KDM2B: variants seen among roughly 807,000 people sequenced by gnomAD.
KDM2B encodes lysine demethylase 2B.
In KDM2B, 26 loss-of-function variants were observed where a neutral mutation model predicts 150.0. The ratio of observed to expected loss-of-function variants is 0.17; its 90% CI spans 0.13 to 0.24. The LOEUF is 0.24. Among genes scored for constraint, KDM2B ranks in the 10% least tolerant of loss-of-function variants. The probability of loss-of-function intolerance (pLI) is 1.00; values close to 1 mark genes in which losing one functional copy is unlikely to be tolerated. For missense variants in KDM2B, 1,265 were observed against 1,816.9 expected (o/e 0.70, Z 5.52); for synonymous variants, 734 against 729.5 (o/e 1.01, Z -0.10).
At position 121,442,586 on chromosome 12, in the gene KDM2B, TTGCTCAGCTCCC is replaced by T. The variant is rs1566264119; in HGVS notation, c.2843_2854del (p.Arg948_Ser951del). On this transcript the variant is annotated inframe_deletion, in exon 19 of 23. Transcript: ENST00000377071. This position sits in a 1 kb window ranked among gnomAD's most constrained non-coding sequence, Gnocchi z 7.7. Reference sequence around the variant, plus strand: ...CCTCTGGATCTCGTGGTTGAGCTCCTTGCTCAGCTCCCTGCTCAGCTCCTTGTTGGGAAGCCG... The same window carrying T: ...CCTCTGGATCTCGTGGTTGAGCTCCTTGCTCAGCTCCTTGTTGGGAAGCCG... 4 of 1,601,484 alleles carry T rather than the reference TTGCTCAGCTCCC, an allele frequency of 2.5e-6. No individual in the cohort carries two copies. In the South Asian group the frequency reaches 4.4e-5, roughly 18 times the overall value.
chr12:121,481,406 T>C (rs1309256793), intron 12 of KDM2B, among the ~76,000 whole-genome samples: 1 of 152,124 alleles, frequency 6.6e-6, no homozygotes, highest in Non-Finnish European at 1.5e-5. Context: ...TGAAAATATT[T>C]CACCTGTCTA....
Position 121,574,603 on chromosome 12 carries a change from G to A in KDM2B, c.351-10C>T, listed in dbSNP as rs782805140. 1 of 1,613,894 alleles carries A rather than the reference G, an allele frequency of 6.2e-7. No homozygotes were observed. The highest frequency in any genetic ancestry group is 1.1e-5 in the South Asian group (1 of 91,076). ...ATCAGGGTCAGGCATCCTGGGGAAA[G>A]AGGAGCACAGACCTTTGGTGAGAGG... is the stretch of plus-strand genomic sequence containing the variant. On this transcript the variant is annotated splice_polypyrimidine_tract_variant and intron_variant, in intron 3 of 22. Transcript: ENST00000377071.
chr12:121,453,028 G>C lies in KDM2B; in HGVS notation c.1959+92C>G. On this transcript the variant is annotated intron_variant, in intron 13 of 22. Transcript: ENST00000377071. This position sits in a 1 kb window ranked among gnomAD's most constrained non-coding sequence, Gnocchi z 6.4. Reference sequence around the variant, plus strand: ...CCACAGCCCCGGCTTCTCTGTGTGCGGAGGGGCGGCCAGAGCGAGCAGCGG... The same window carrying C: ...CCACAGCCCCGGCTTCTCTGTGTGCCGAGGGGCGGCCAGAGCGAGCAGCGG... The C allele has an allele frequency of 8.6e-7, 1 of 1,164,350 alleles. No homozygotes were observed. Among genetic ancestry groups the C allele is most frequent in the Admixed American group, 2.5e-5 (1 of 39,576 alleles). The allele number at this position is 1,164,350 out of a possible 1,614,324, so 72.1% of individuals were successfully genotyped here. A position where few individuals can be genotyped will look rare whatever the true frequency, so the allele number is the denominator to read the frequency against.
At chr12:121,536,111 G>C in intron 6 of KDM2B, 2 of 985,668 alleles carry the variant, frequency 2.0e-6, no homozygotes, top group South Asian at 4.7e-5. Flanking sequence ...GCAGCGCGCC[G>C]GCACGAGTGG....
At chr12:121,551,211 C>T (rs1889461535) in intron 4 of KDM2B, among the ~76,000 whole-genome samples, 1 of 152,276 alleles carries the variant, frequency 6.6e-6, no homozygotes, top group South Asian at 2.1e-4. Context: ...ATAAACATAG[C>T]CTTTCATGTG....
chr12:121,500,866 C>T (rs1287357435), intron 11 of KDM2B, among the ~76,000 whole-genome samples: 1 of 152,100 alleles, frequency 6.6e-6, no homozygotes, highest in Admixed American at 6.5e-5. Flanking sequence ...TTTGGGAGGC[C>T]GAGGCGGGCG....
At chr12:121,456,114 T>G (rs1260811081) in intron 12 of KDM2B, among the ~76,000 whole-genome samples, 1 of 152,232 alleles carries the variant, frequency 6.6e-6, no homozygotes, top group Non-Finnish European at 1.5e-5. Context: ...CTGAAGCCAG[T>G]AATTTGCCTG....
intron 4 of KDM2B, among the ~76,000 whole-genome samples, chr12:121,561,579 T>C (rs1467279517): frequency 3.3e-5 from 5 of 152,160 alleles, no homozygotes; most frequent in African/African-American, 1.2e-4. Context: ...ATGCCTCCCC[T>C]ACCTGCCGCT....
intron 11 of KDM2B, among the ~76,000 whole-genome samples, chr12:121,497,491 A>G (rs1457238934): frequency 1.3e-5 from 2 of 151,900 alleles, no homozygotes; most frequent in Non-Finnish European, 2.9e-5. Flanking sequence ...TTTTTAGTAG[A>G]GACAGGGTTT....
rs114306829 is a variant in KDM2B at position 121,463,675 on chromosome 12, C to T, written c.1735-10331G>A. 8.8e-3 allele frequency among the ~76,000 whole-genome samples: 1,339 copies of T among 152,256 alleles called. 23 individuals carry two copies. Among genetic ancestry groups the T allele is most frequent in the African/African-American group, 0.03 (1,257 of 41,548 alleles). On this transcript the variant is annotated intron_variant, in intron 12 of 22. Coordinates refer to ENST00000377071, the MANE Select transcript of KDM2B (RefSeq NM_032590.5). ...TACTCACTGCAGCTTCGAACTCCTG[C>T]GCTCAAGCAATTCTCCCACCTCAGC...
chr12:121,529,055 T>C (rs1555307377), intron 8 of KDM2B, among the ~76,000 whole-genome samples: 1 of 152,148 alleles, frequency 6.6e-6, no homozygotes, highest in Non-Finnish European at 1.5e-5. Context: ...TAAAGACCAA[T>C]ATCCCTGATT....
intron 4 of KDM2B, among the ~76,000 whole-genome samples, chr12:121,564,127 C>G (rs1890532486): frequency 2.0e-5 from 3 of 151,876 alleles, no homozygotes; most frequent in Admixed American, 1.3e-4. Flanking sequence ...AAAGAGTATA[C>G]TGTCTAGGTC....
intron 12 of KDM2B, among the ~76,000 whole-genome samples, chr12:121,483,289 A>G (rs931473719): frequency 6.6e-6 from 1 of 151,966 alleles, no homozygotes; most frequent in Non-Finnish European, 1.5e-5. Flanking sequence ...TATAAAAAAA[A>G]CACACACCAA....
chr12:121,453,103 G>A lies in KDM2B; in HGVS notation c.1959+17C>T, dbSNP rs781971445. ...GGGCCTGAATCGAGCGCAGGGCTGG[G>A]CGGGGGCCGCACTCACCGCGATGCA... On this transcript the variant is annotated intron_variant, in intron 13 of 22. Transcript: ENST00000377071. This position sits in a 1 kb window ranked among gnomAD's most constrained non-coding sequence, Gnocchi z 6.4. The A allele has an allele frequency of 1.3e-6, 2 of 1,590,162 alleles. No individual in the cohort carries two copies. The highest frequency in any genetic ancestry group is 2.3e-5 in the South Asian group (2 of 88,754).
chr12:121,551,077 A>C (rs1555311724), intron 4 of KDM2B, among the ~76,000 whole-genome samples: 1 of 152,106 alleles, frequency 6.6e-6, no homozygotes, highest in East Asian at 1.9e-4. Flanking sequence ...TTAACAGAGA[A>C]AGTTTGCTGG....
At chr12:121,421,391 A>C in the KDM2B span, among the ~76,000 whole-genome samples, 3 of 149,846 alleles carry the variant, frequency 2.0e-5, no homozygotes, top group Non-Finnish European at 3.0e-5. Context: ...AAAAAAAAAA[A>C]AAAAAAACCA....
At chr12:121,435,875 G>T (rs954280191) in intron 22 of KDM2B, among the ~76,000 whole-genome samples, 7 of 152,164 alleles carry the variant, frequency 4.6e-5, no homozygotes, top group Admixed American at 6.5e-5. Context: ...GTCGTCCATA[G>T]CAGACAAGCT....
At chr12:121,482,690 G>A (rs1882292066) in intron 12 of KDM2B, among the ~76,000 whole-genome samples, 1 of 152,140 alleles carries the variant, frequency 6.6e-6, no homozygotes, top group African/African-American at 2.4e-5. Flanking sequence ...TCACAAACAG[G>A]ACTCAGAAGC....
intron 6 of KDM2B, among the ~76,000 whole-genome samples, 180 bp downstream of exon 6, chr12:121,548,697 A>G (rs1889253794): frequency 6.6e-6 from 1 of 152,194 alleles, no homozygotes; most frequent in Non-Finnish European, 1.5e-5. Context: ...TGCACACGCG[A>G]AGGACCCCGT....
Sources: gnomAD v4.1 joint callset for allele counts (sites outside exome capture counted in the v4.1 genomes callset) on GRCh38, gnomAD v4.1.1 for gene constraint, Gnocchi (gnomAD v3.1) non-coding constraint, MANE v1.5 for transcripts, NCBI Gene and HGNC (gene_info 2026-07-23, HGNC 2026-07-21) for gene names.